DET1: variants seen among roughly 807,000 people sequenced by gnomAD.
The protein encoded by DET1 is DET1 partner of COP1 E3 ubiquitin ligase, also known as DET1 homolog.
Under a neutral mutation model 43.7 loss-of-function variants are expected in DET1, and 22 were observed. The ratio of observed to expected loss-of-function variants is 0.50; its 90% CI spans 0.36 to 0.72. The LOEUF (loss-of-function observed/expected upper bound fraction) is 0.72, where lower values mean the gene tolerates loss of function less well. Among genes scored for constraint, DET1 ranks in the 30% least tolerant of loss-of-function variants. The probability of loss-of-function intolerance (pLI) is 0.00; values close to 1 mark genes in which losing one functional copy is unlikely to be tolerated. For synonymous variants in DET1, 315 were observed against 266.2 expected (o/e 1.18, Z -1.79); for missense variants, 713 against 713.3 (o/e 1.00, Z 0.00).
intron 4 of DET1, 83 bp from the exon 5 acceptor site, chr15:88,513,223 A>G: frequency 7.3e-7 from 1 of 1,371,040 alleles, no homozygotes; most frequent in Non-Finnish European, 9.8e-7. Flanking sequence ...CAGCAGGGGA[A>G]TGTGGCAACT....
intron 1 of DET1, among the ~76,000 whole-genome samples, chr15:88,538,541 G>A (rs181528027): frequency 7.9e-5 from 12 of 152,100 alleles, no homozygotes; most frequent in African/African-American, 1.9e-4. Context: ...CCTCAGGGCT[G>A]AGAGAATTTT....
At chr15:88,512,003 G>C (rs1458737768), downstream of DET1, among the ~76,000 whole-genome samples, 1 of 152,240 alleles carries the variant, frequency 6.6e-6, no homozygotes, top group East Asian at 1.9e-4. Flanking sequence ...GCTGGCAAGA[G>C]TTGAGAATGT....
At chr15:88,511,011 A>G (rs1420501108), downstream of DET1, among the ~76,000 whole-genome samples, 2 of 151,908 alleles carry the variant, frequency 1.3e-5, no homozygotes, top group African/African-American at 4.8e-5. Context: ...TGATCTCGTG[A>G]TCCGCCCGCC....
chr15:88,534,782 A>T (rs1172853186), intron 1 of DET1, among the ~76,000 whole-genome samples: 2 of 152,254 alleles, frequency 1.3e-5, no homozygotes, highest in Admixed American at 6.5e-5. Context: ...AGAGAGTTAC[A>T]AATTGCAAAT....
rs546555845 is a variant in DET1 at position 88,516,287 on chromosome 15, G to A, written c.1463+495C>T. Among the ~76,000 whole-genome samples the A allele has an allele frequency of 7.2e-5, 11 of 152,290 alleles. No individual in the cohort carries two copies. In the South Asian group the frequency reaches 2.1e-3, roughly 29 times the overall value. ...GTGAGGAAAGAATTTCTTGTAAGACGTCAGTTTCAAACTTCTAACAATAAC... is the reference window on the plus strand; with the variant it reads ...GTGAGGAAAGAATTTCTTGTAAGACATCAGTTTCAAACTTCTAACAATAAC... On this transcript the variant is annotated intron_variant, in intron 4 of 4. Coordinates refer to ENST00000268148, the MANE Select transcript of DET1 (RefSeq NM_001144074.3). The surrounding 1 kb of genome is among the most constrained non-coding windows in gnomAD (Gnocchi z 4.4).
intron 3 of DET1, among the ~76,000 whole-genome samples, chr15:88,520,233 A>C (rs956662885): frequency 6.6e-6 from 1 of 152,096 alleles, no homozygotes; most frequent in Admixed American, 6.6e-5. Context: ...AAAATCTAAC[A>C]CTACCTACCC....
At chr15:88,541,439 CTG>C (rs1464594384) in intron 1 of DET1, among the ~76,000 whole-genome samples, 6 of 145,168 alleles carry the variant, frequency 4.1e-5, no homozygotes, top group Non-Finnish European at 5.9e-5. Context: ...TACTTTGTCT[CTG>C]TGTCTTTTTC....
At chr15:88,542,607 T>C (rs2057139631) in intron 1 of DET1, among the ~76,000 whole-genome samples, 2 of 152,132 alleles carry the variant, frequency 1.3e-5, no homozygotes, top group Non-Finnish European at 2.9e-5. Flanking sequence ...ACAGTCAGCT[T>C]TTAGAAATAG....
Position 88,531,736 on chromosome 15 carries a change from G to A in DET1, c.-10-21C>T. On this transcript the variant is annotated intron_variant, in intron 1 of 4. Coordinates refer to ENST00000268148, the MANE Select transcript of DET1 (RefSeq NM_001144074.3). This position sits in a 1 kb window ranked among gnomAD's most constrained non-coding sequence, Gnocchi z 6.2. ...CATCTCTAAACAGAAAAGTAAAGCA[G>A]AAGTCAAGAAAGTGAAACAGAATTT... is the stretch of plus-strand genomic sequence containing the variant. 1 of 1,571,844 alleles carries A rather than the reference G, an allele frequency of 6.4e-7. No homozygotes were observed. Among genetic ancestry groups the A allele is most frequent in the Non-Finnish European group, 8.6e-7 (1 of 1,158,254 alleles).
At chr15:88,539,179 G>T (rs925599291) in intron 1 of DET1, among the ~76,000 whole-genome samples, 6 of 151,956 alleles carry the variant, frequency 3.9e-5, no homozygotes, top group Non-Finnish European at 2.9e-5. Flanking sequence ...TATAAACTCT[G>T]TGAATGGTGA....
chr15:88,532,935 C>A (rs1254276615), intron 1 of DET1, among the ~76,000 whole-genome samples: 1 of 152,098 alleles, frequency 6.6e-6, no homozygotes, highest in African/African-American at 2.4e-5. Context: ...CAAAAATAGA[C>A]AAATGGGAAT....
chr15:88,519,928 C>A lies in DET1; in HGVS notation c.1272-2955G>T, dbSNP rs566302228. 9.2e-5 allele frequency among the ~76,000 whole-genome samples: 14 copies of A among 152,304 alleles called. No individual in the cohort carries two copies. In the South Asian group the frequency reaches 2.9e-3, roughly 32 times the overall value. ...TCATGACTATTTCATCTCCCCTCCTCCATGCTCACTCTTAGCCAATGGCAT... is the reference window on the plus strand; with the variant it reads ...TCATGACTATTTCATCTCCCCTCCTACATGCTCACTCTTAGCCAATGGCAT... On this transcript the variant is annotated intron_variant, in intron 3 of 4. Coordinates refer to ENST00000268148, the MANE Select transcript of DET1 (RefSeq NM_001144074.3).
intron 3 of DET1, among the ~76,000 whole-genome samples, chr15:88,519,566 T>A (rs1297617359): frequency 1.3e-5 from 2 of 152,186 alleles, no homozygotes; most frequent in Non-Finnish European, 2.9e-5. Flanking sequence ...CCACAGGACC[T>A]ATAATCCACT....
intron 1 of DET1, among the ~76,000 whole-genome samples, chr15:88,534,049 G>C (rs1268712292): frequency 6.6e-6 from 1 of 151,940 alleles, no homozygotes; most frequent in Non-Finnish European, 1.5e-5. Context: ...TTCACAATGT[G>C]AATATACTTA....
rs190770117 is a variant in DET1, at chr15:88,531,832, T to C, written c.-10-117A>G. On this transcript the variant is annotated intron_variant, in intron 1 of 4. Coordinates refer to ENST00000268148, the MANE Select transcript of DET1 (RefSeq NM_001144074.3). The surrounding 1 kb of genome is among the most constrained non-coding windows in gnomAD (Gnocchi z 6.2). ...ATCCTGAACCTAGGAGCTCCCAAGA[T>C]GACAGTGACTGGCATTACTACTTCC... 1.6e-4 allele frequency: 154 copies of C among 963,644 alleles called. No individual in the cohort carries two copies. The East Asian group carries it at 3.8e-3, about 24-fold the overall frequency. 59.7% of individuals were successfully genotyped at this position (963,644 alleles called of 1,614,324 possible). A position where few individuals can be genotyped will look rare whatever the true frequency, so the allele number is the denominator to read the frequency against.
At chr15:88,523,255 A>G (rs933013225) in intron 3 of DET1, among the ~76,000 whole-genome samples, 2 of 152,166 alleles carry the variant, frequency 1.3e-5, no homozygotes, top group Admixed American at 6.5e-5. Context: ...GAAATGACTC[A>G]TGATCCTTGG....
At chr15:88,528,218 C>A (rs2056719063) in intron 2 of DET1, among the ~76,000 whole-genome samples, 1 of 152,244 alleles carries the variant, frequency 6.6e-6, no homozygotes, top group Non-Finnish European at 1.5e-5. Flanking sequence ...AATTTTCTTT[C>A]CTGCTGAAAA....
chr15:88,514,793 G>A (rs1399968570), intron 4 of DET1, among the ~76,000 whole-genome samples: 3 of 152,232 alleles, frequency 2.0e-5, no homozygotes, highest in African/African-American at 4.8e-5. Context: ...CTCTTCAAAT[G>A]CTGTTAATAT....
chr15:88,532,999 G>C (rs960563281), intron 1 of DET1, among the ~76,000 whole-genome samples: 1 of 152,114 alleles, frequency 6.6e-6, no homozygotes, highest in African/African-American at 2.4e-5. Flanking sequence ...GAGTGAAAGG[G>C]CTTTCTACAG....
Sources: allele counts gnomAD v4.1 joint callset (sites outside exome capture counted in the v4.1 genomes callset), GRCh38; gene constraint gnomAD v4.1.1; non-coding constraint Gnocchi (gnomAD v3.1); transcripts MANE v1.5; gene names NCBI Gene and HGNC (gene_info 2026-07-23, HGNC 2026-07-21).